Variants in CNTN5 observed in about 807,000 individuals in gnomAD.
CNTN5 encodes the protein contactin-5.
In CNTN5, 77 loss-of-function variants were observed where a neutral mutation model predicts 129.1. The observed-to-expected ratio is 0.60, with a 90% CI of 0.50 to 0.72. The LOEUF (loss-of-function observed/expected upper bound fraction) is 0.72. Ranked by LOEUF, CNTN5 falls within the 30% of genes least tolerant of loss-of-function variation. CNTN5 has a pLI of 0.00. For missense variants in CNTN5, 1,478 were observed against 1,328.8 expected (o/e 1.11, Z -1.75); for synonymous variants, 509 against 465.6 (o/e 1.09, Z -1.20).
At chr11:99,919,005 A>G (rs1038745173) in intron 7 of CNTN5, among the ~76,000 whole-genome samples, 2 of 152,074 alleles carry the variant, frequency 1.3e-5, no homozygotes, top group African/African-American at 2.4e-5. Flanking sequence ...TGTGCAGTCC[A>G]ACTCCAGCCA....
chr11:99,249,152 T>G (rs1418385216), intron 1 of CNTN5, among the ~76,000 whole-genome samples: 1 of 152,098 alleles, frequency 6.6e-6, no homozygotes, highest in Non-Finnish European at 1.5e-5. Context: ...TGAGCAGTGG[T>G]TTGTAGTTCT....
intron 3 of CNTN5, among the ~76,000 whole-genome samples, chr11:99,679,951 T>C (rs1953478216): frequency 6.6e-6 from 1 of 152,178 alleles, no homozygotes; most frequent in Non-Finnish European, 1.5e-5. Flanking sequence ...TTGAGTGGTC[T>C]GGAGAGAAGA....
At chr11:99,582,362 A>C (rs1949635820) in intron 3 of CNTN5, among the ~76,000 whole-genome samples, 1 of 152,048 alleles carries the variant, frequency 6.6e-6, no homozygotes, top group African/African-American at 2.4e-5. Flanking sequence ...CCTGAATTTG[A>C]ATGTTGGCCT....
rs11220234 is a variant in CNTN5, at chr11:99,509,619, A to G, written c.-70-46526A>G. ...TAAGTGATTGAATTTTTGAAGTCTCATAACTTAATAAAATAGTATGATGTC... is the reference window on the plus strand; with the variant it reads ...TAAGTGATTGAATTTTTGAAGTCTCGTAACTTAATAAAATAGTATGATGTC... On this transcript the variant is annotated intron_variant, in intron 2 of 24. Coordinates refer to ENST00000524871, the MANE Select transcript of CNTN5 (RefSeq NM_014361.4). 2.9e-3 allele frequency among the ~76,000 whole-genome samples: 434 copies of G among 152,280 alleles called. 3 individuals are homozygous for G. The highest frequency in any genetic ancestry group is 4.7e-3 in the Non-Finnish European group (319 of 67,976).
intron 6 of CNTN5, among the ~76,000 whole-genome samples, chr11:99,903,680 C>A (rs1279329542): frequency 1.3e-5 from 2 of 152,110 alleles, no homozygotes; most frequent in African/African-American, 4.8e-5. Context: ...CACCCTTGGT[C>A]AGAGGAACAC....
intron 3 of CNTN5, among the ~76,000 whole-genome samples, chr11:99,614,337 G>C (rs1420102998): frequency 3.3e-5 from 5 of 152,164 alleles, no homozygotes; most frequent in African/African-American, 1.2e-4. Flanking sequence ...CCAGAGTAAA[G>C]GGAAAAATAA....
At chr11:99,981,552 C>G (rs982710757) in intron 8 of CNTN5, among the ~76,000 whole-genome samples, 1 of 152,168 alleles carries the variant, frequency 6.6e-6, no homozygotes, top group African/African-American at 2.4e-5. Context: ...CTCACAAACA[C>G]ACCCCAAAAT....
At chr11:99,709,308 T>A (rs1027550626) in intron 3 of CNTN5, among the ~76,000 whole-genome samples, 1 of 151,860 alleles carries the variant, frequency 6.6e-6, no homozygotes, top group South Asian at 2.1e-4. Context: ...ACTGTATGAT[T>A]GCCACTAAGT....
At chr11:100,220,815 C>T (rs910727856) in intron 15 of CNTN5, among the ~76,000 whole-genome samples, 2 of 152,166 alleles carry the variant, frequency 1.3e-5, no homozygotes, top group African/African-American at 4.8e-5. Flanking sequence ...CTAGAACCCA[C>T]ATATACTCTT....
intron 13 of CNTN5, among the ~76,000 whole-genome samples, chr11:100,097,638 A>T (rs1945053923): frequency 6.6e-6 from 1 of 152,120 alleles, no homozygotes; most frequent in Non-Finnish European, 1.5e-5. Context: ...ATCAAAAGGA[A>T]GAATAGAGTA....
At chr11:99,657,955 ATGTT>A (rs1454542636) in intron 3 of CNTN5, among the ~76,000 whole-genome samples, 2 of 152,174 alleles carry the variant, frequency 1.3e-5, no homozygotes, top group Non-Finnish European at 2.9e-5. Flanking sequence ...AATGGATACT[ATGTT>A]TGTAAATGCA....
chr11:99,508,124 T>TA, intron 2 of CNTN5, among the ~76,000 whole-genome samples: 1 of 152,318 alleles, frequency 6.6e-6, no homozygotes, highest in South Asian at 2.1e-4. Flanking sequence ...TAATGCTGTA[T>TA]AAAATGTCAT....
At chr11:100,295,177 A>G (rs1951076523) in intron 18 of CNTN5, among the ~76,000 whole-genome samples, 1 of 151,602 alleles carries the variant, frequency 6.6e-6, no homozygotes, top group African/African-American at 2.4e-5. Flanking sequence ...AGGTAAGGTA[A>G]GAGAAGGATG....
At chr11:99,933,139 A>AT (rs922384765) in intron 7 of CNTN5, among the ~76,000 whole-genome samples, 1 of 152,068 alleles carries the variant, frequency 6.6e-6, no homozygotes, top group Non-Finnish European at 1.5e-5. Flanking sequence ...CTTTCTTTAT[A>AT]TTTTTTCAAT....
chr11:99,744,572 A>AAAAAG (rs1943990299), intron 3 of CNTN5, among the ~76,000 whole-genome samples: 1 of 124,062 alleles, frequency 8.1e-6, no homozygotes, highest in Non-Finnish European at 1.7e-5. Context: ...AAAAAAAAAA[A>AAAAAG]AGCTGGGTGT....
chr11:99,091,812 G>A lies in CNTN5; in HGVS notation c.-210+70542G>A, dbSNP rs138096305. 1.8e-3 allele frequency among the ~76,000 whole-genome samples: 272 copies of A among 152,282 alleles called. 1 individual carries two copies. Among genetic ancestry groups the A allele is most frequent in the African/African-American group, 6.1e-3 (253 of 41,560 alleles). On this transcript the variant is annotated intron_variant, in intron 1 of 24. Transcript: ENST00000524871. Reference sequence around the variant, plus strand: ...GCCATTTATGATATAGAATAGAGCAGAGGAATGACAAACAATGGATACGAG... The same window carrying A: ...GCCATTTATGATATAGAATAGAGCAAAGGAATGACAAACAATGGATACGAG...
chr11:99,569,039 A>G (rs1439844322), intron 3 of CNTN5, among the ~76,000 whole-genome samples: 2 of 152,144 alleles, frequency 1.3e-5, no homozygotes, highest in Non-Finnish European at 2.9e-5. Context: ...GTATGGCTTT[A>G]ACCTCTCTGT....
intron 1 of CNTN5, among the ~76,000 whole-genome samples, chr11:99,146,496 AT>A (rs1034986509): frequency 1.3e-5 from 2 of 152,164 alleles, no homozygotes; most frequent in Admixed American, 1.3e-4. Flanking sequence ...AGCAAGACTA[AT>A]TTGCTAAGGA....
chr11:99,905,778 A>G (rs1021308990), intron 6 of CNTN5, among the ~76,000 whole-genome samples: 3 of 152,108 alleles, frequency 2.0e-5, no homozygotes, highest in Non-Finnish European at 2.9e-5. Context: ...ATGAGCATGG[A>G]CGCCTTTTCC....
Sources: allele counts gnomAD v4.1 joint callset (sites outside exome capture counted in the v4.1 genomes callset), GRCh38; gene constraint gnomAD v4.1.1; transcripts MANE v1.5; gene names NCBI Gene and HGNC (gene_info 2026-07-23, HGNC 2026-07-21).